The following RABGAP1L variants were observed in gnomAD, a reference collection of about 807,000 sequenced individuals.
RABGAP1L encodes rab GTPase-activating protein 1-like.
RABGAP1L carries 63 observed loss-of-function variants against 137.7 expected under a neutral mutation model. The observed-to-expected ratio is 0.46, with a 90% CI of 0.37 to 0.56. RABGAP1L has a LOEUF of 0.56. RABGAP1L is among the 20% of genes least tolerant of loss of function. RABGAP1L has a pLI of 0.00. For missense variants in RABGAP1L, 1,095 were observed against 1,244.0 expected, an observed-to-expected ratio of 0.88 and a Z score of 1.80; for synonymous variants, 431 against 433.7, an observed-to-expected ratio of 0.99 and a Z score of 0.08.
At chr1:174,533,302 G>A (rs971232789) in intron 13 of RABGAP1L, among the ~76,000 whole-genome samples, 1 of 152,104 alleles carries the variant, frequency 6.6e-6, no homozygotes, top group Non-Finnish European at 1.5e-5. Context: ...ATCGCTCTTC[G>A]TCTTTGTCTG....
chr1:174,839,354 T>C (rs537284170), intron 19 of RABGAP1L, among the ~76,000 whole-genome samples: 1 of 152,288 alleles, frequency 6.6e-6, no homozygotes, highest in South Asian at 2.1e-4. Flanking sequence ...CACACACAGA[T>C]ACTTGAGACA....
intron 19 of RABGAP1L, among the ~76,000 whole-genome samples, chr1:174,895,037 G>A (rs1336388390): frequency 4.6e-5 from 7 of 152,242 alleles, no homozygotes; most frequent in African/African-American, 1.4e-4. Context: ...GATTACAGGC[G>A]TGAGCCACCG....
intron 13 of RABGAP1L, among the ~76,000 whole-genome samples, chr1:174,482,977 A>G (rs759042571): frequency 5.3e-5 from 8 of 152,168 alleles, no homozygotes; most frequent in Non-Finnish European, 1.2e-4. Context: ...ATTACCCTTT[A>G]GCATTTTTTT....
chr1:174,934,598 T>C (rs1664429558), intron 19 of RABGAP1L, among the ~76,000 whole-genome samples: 1 of 151,560 alleles, frequency 6.6e-6, no homozygotes, highest in Non-Finnish European at 1.5e-5. Flanking sequence ...TGAGACCAGT[T>C]GGGCAGCACA....
intron 11 of RABGAP1L, among the ~76,000 whole-genome samples, chr1:174,370,512 CTT>C (rs372406044): frequency 1.4e-4 from 7 of 50,350 alleles, no homozygotes; most frequent in Non-Finnish European, 2.5e-4. Context: ...AGAAACCTAA[CTT>C]TTTTTTTTTT....
intron 18 of RABGAP1L, among the ~76,000 whole-genome samples, chr1:174,767,997 C>T (rs1685816530): frequency 6.6e-6 from 1 of 152,134 alleles, no homozygotes; most frequent in Non-Finnish European, 1.5e-5. Flanking sequence ...TGGAGGAAAC[C>T]ACCCCCATGA....
At chr1:174,257,926 C>A (rs190246646) in intron 7 of RABGAP1L, among the ~76,000 whole-genome samples, 64 of 152,292 alleles carry the variant, frequency 4.2e-4, no homozygotes, top group African/African-American at 1.5e-3. Flanking sequence ...ATGCTAATAT[C>A]TAACACTTGC....
Position 174,474,895 on chromosome 1 carries a change from C to T in RABGAP1L, c.1710+80750C>T, listed in dbSNP as rs1044163848. ...GGATTACAGGCGTGAGCCACTGCGC[C>T]TGGCCTTCTGATTCTTATTTCTGTC... On this transcript the variant is annotated intron_variant, in intron 13 of 25. Transcript: ENST00000681986. 2.0e-5 allele frequency among the ~76,000 whole-genome samples: 3 copies of T among 151,966 alleles called. No homozygotes were observed. The Middle Eastern group carries it at 0.01, about 517-fold the overall frequency.
intron 13 of RABGAP1L, among the ~76,000 whole-genome samples, chr1:174,489,905 A>G (rs773603221): frequency 6.6e-6 from 1 of 152,010 alleles, no homozygotes; most frequent in African/African-American, 2.4e-5. Context: ...GTATTTTTCA[A>G]ATCCAGAATT....
In RABGAP1L at chr1:174,448,036, G is replaced by A. The variant is rs575824384; in HGVS notation, c.1710+53891G>A. ...GAAGCAGGTTCTGAAACACTCATGT[G>A]CGGTGTTTAACAGATGCTGGGCAGG... is the stretch of plus-strand genomic sequence containing the variant. On this transcript the variant is annotated intron_variant, in intron 13 of 25. Transcript: ENST00000681986. This position sits in a 1 kb window ranked among gnomAD's most constrained non-coding sequence, Gnocchi z 4.2. The A allele has an allele frequency of 9.8e-6, 12 of 1,227,434 alleles. No individual in the cohort carries two copies. The African/African-American group carries it at 1.2e-4, about 12-fold the overall frequency. The allele number at this position is 1,227,434 out of a possible 1,614,324, so 76.0% of individuals were successfully genotyped here. A position where few individuals can be genotyped will look rare whatever the true frequency, so the allele number is the denominator to read the frequency against.
At chr1:174,905,334 T>C (rs1028829003) in intron 19 of RABGAP1L, among the ~76,000 whole-genome samples, 1 of 152,232 alleles carries the variant, frequency 6.6e-6, no homozygotes, top group East Asian at 1.9e-4. Flanking sequence ...GCATTCAAAA[T>C]GGCAATTTTA....
At chr1:174,966,521 GAT>G (rs892871622) in intron 20 of RABGAP1L, among the ~76,000 whole-genome samples, 3 of 152,066 alleles carry the variant, frequency 2.0e-5, no homozygotes, top group Admixed American at 1.3e-4. Flanking sequence ...AGGAGTAATA[GAT>G]ATATCAGAAA....
chr1:174,669,947 G>A (rs965037018), intron 14 of RABGAP1L, among the ~76,000 whole-genome samples: 1 of 152,040 alleles, frequency 6.6e-6, no homozygotes, highest in African/African-American at 2.4e-5. Context: ...GCTGAAGATT[G>A]TTTTGGCTAT....
intron 14 of RABGAP1L, among the ~76,000 whole-genome samples, chr1:174,647,447 C>T (rs952757045): frequency 5.3e-5 from 8 of 151,990 alleles, no homozygotes; most frequent in Non-Finnish European, 1.0e-4. Context: ...AAGCCCTTTC[C>T]GCATCTATTG....
chr1:174,652,446 C>CTGT (rs1255792117), intron 14 of RABGAP1L, among the ~76,000 whole-genome samples: 3 of 152,172 alleles, frequency 2.0e-5, no homozygotes, highest in African/African-American at 7.2e-5. Context: ...ATTTATCTAT[C>CTGT]TGTGGTCTTT....
chr1:174,302,936 T>C (rs1259807288), intron 10 of RABGAP1L, among the ~76,000 whole-genome samples: 1 of 152,106 alleles, frequency 6.6e-6, no homozygotes, highest in African/African-American at 2.4e-5. Flanking sequence ...TAACCAAAAG[T>C]AACCAAATAA....
chr1:174,547,233 G>T (rs868303513), intron 13 of RABGAP1L, among the ~76,000 whole-genome samples: 3 of 151,998 alleles, frequency 2.0e-5, no homozygotes, highest in Non-Finnish European at 4.4e-5. Context: ...AATTATAGTA[G>T]CCTTTTCCTG....
chr1:174,354,359 T>A (rs1198426770), intron 11 of RABGAP1L, among the ~76,000 whole-genome samples: 2 of 152,140 alleles, frequency 1.3e-5, no homozygotes, highest in African/African-American at 2.4e-5. Flanking sequence ...TTAATTTTTT[T>A]ATTCTAATTG....
At chr1:174,973,630 C>A (rs944868786) in intron 21 of RABGAP1L, among the ~76,000 whole-genome samples, 4 of 152,078 alleles carry the variant, frequency 2.6e-5, no homozygotes, top group African/African-American at 9.7e-5. Context: ...GGTGACCCAC[C>A]CACCTCAGCC....
Sources: gnomAD v4.1 joint callset for allele counts (sites outside exome capture counted in the v4.1 genomes callset) on GRCh38, gnomAD v4.1.1 for gene constraint, Gnocchi (gnomAD v3.1) non-coding constraint, MANE v1.5 for transcripts, NCBI Gene and HGNC (gene_info 2026-07-23, HGNC 2026-07-21) for gene names.